Variants in VEPH1 observed in about 807,000 individuals in gnomAD.
The protein encoded by VEPH1 is ventricular zone expressed PH domain containing 1.
Under a neutral mutation model 85.2 loss-of-function variants are expected in VEPH1, and 80 were observed. The ratio of observed to expected loss-of-function variants is 0.94; its 90% confidence interval spans 0.78 to 1.13. The LOEUF is 1.13. Ranked by LOEUF, VEPH1 falls within the 50% of genes most tolerant of loss-of-function variation. VEPH1 has a pLI of 0.00. For missense variants in VEPH1, 955 were observed against 980.5 expected, an observed-to-expected ratio of 0.97 and a Z score of 0.35; for synonymous variants, 297 against 348.0, an observed-to-expected ratio of 0.85 and a Z score of 1.63.
At chr3:157,265,696 T>C (rs1236984031) in intron 12 of VEPH1, 34 bp from the exon 13 acceptor site, 1 of 1,606,744 alleles carries the variant, frequency 6.2e-7, no homozygotes, top group Middle Eastern at 1.7e-4. Flanking sequence ...ATGCCATGTA[T>C]TTTCCAATAT....
chr3:157,265,668 G>A lies in VEPH1; in HGVS notation c.2129-6C>T. ...CTGGCCATCTTGATTTACAACTGTT[G>A]AAGGTAGCAGAATAATCATGCCATG... On this transcript the variant is annotated splice_region_variant and splice_polypyrimidine_tract_variant and intron_variant, in intron 12 of 13. Coordinates refer to ENST00000362010, the MANE Select transcript of VEPH1 (RefSeq NM_001167912.2). 6.2e-7 allele frequency: 1 copy of A among 1,612,432 alleles called. No homozygotes were observed. The highest frequency in any genetic ancestry group is 1.1e-5 in the South Asian group (1 of 90,902).
In VEPH1 at chr3:157,286,645, TTCCAGATGGAGCTGTACCTGG is replaced by T; in HGVS notation, c.2019_2039del (p.Asp673_Leu679del). 6.2e-7 allele frequency: 1 copy of T among 1,614,130 alleles called. No individual in the cohort carries two copies. Among genetic ancestry groups the T allele is most frequent in the Non-Finnish European group, 8.5e-7 (1 of 1,179,962 alleles). On this transcript the variant is annotated inframe_deletion, in exon 12 of 14. Coordinates refer to ENST00000362010, the MANE Select transcript of VEPH1 (RefSeq NM_001167912.2). ...CAAACACGTCAAAGAACCTCACTTC[TTCCAGATGGAGCTGTACCTGG>T]TCCAGATCCTGTGTCAGGAACACAA... is the stretch of plus-strand genomic sequence containing the variant.
intron 11 of VEPH1, among the ~76,000 whole-genome samples, chr3:157,290,447 T>C (rs899749935): frequency 4.6e-5 from 7 of 152,140 alleles, no homozygotes; most frequent in Non-Finnish European, 7.4e-5. Context: ...AGTTGCTAGG[T>C]TTGTGCTAAT....
At chr3:157,399,876 A>G (rs1730680418) in intron 6 of VEPH1, among the ~76,000 whole-genome samples, 2 of 152,142 alleles carry the variant, frequency 1.3e-5, no homozygotes, top group African/African-American at 4.8e-5. Flanking sequence ...TTAGGTAGAT[A>G]ATTCTCCAAC....
In VEPH1 at chr3:157,437,716, AG is replaced by A. The variant is rs1733732913; in HGVS notation, c.530-9229del. ...CGCGCCGGGGGCTCCCGCAGAGGCC[AG>A]GCTGACCAGTGCTCTGGACGAGCTG... On this transcript the variant is annotated intron_variant, in intron 4 of 13. Transcript: ENST00000362010. 7 of 1,530,372 alleles carry A rather than the reference AG, an allele frequency of 4.6e-6. No individual in the cohort carries two copies. The East Asian group carries it at 1.7e-4, about 38-fold the overall frequency. 94.8% of individuals were successfully genotyped at this position (1,530,372 alleles called of 1,614,324 possible).
chr3:157,265,373 C>A (rs984760222), intron 13 of VEPH1, among the ~76,000 whole-genome samples, 153 bp downstream of exon 13: 2 of 152,102 alleles, frequency 1.3e-5, no homozygotes, highest in Non-Finnish European at 2.9e-5. Context: ...AATAAACAGA[C>A]TAGACACAGA....
intron 6 of VEPH1, among the ~76,000 whole-genome samples, chr3:157,402,840 A>G (rs538405837): frequency 6.6e-6 from 1 of 152,312 alleles, no homozygotes; most frequent in South Asian, 2.1e-4. Context: ...ACATGAATAC[A>G]CGTAGATGAC....
At chr3:157,387,177 AT>A (rs556720341) in intron 6 of VEPH1, among the ~76,000 whole-genome samples, 115 of 152,108 alleles carry the variant, frequency 7.6e-4, no homozygotes, top group African/African-American at 2.7e-3. Flanking sequence ...TGCATTGGCC[AT>A]TTTTTTCACT....
intron 4 of VEPH1, chr3:157,459,634 T>G (rs541388913): frequency 7.3e-5 from 93 of 1,281,722 alleles, no homozygotes; most frequent in Non-Finnish European, 8.7e-5. Context: ...TTGCATGAAC[T>G]AATTTGAGCT....
In VEPH1 at chr3:157,492,627, G is replaced by A. The variant is rs1340947943; in HGVS notation, c.138+2585C>T. 3.3e-5 allele frequency among the ~76,000 whole-genome samples: 5 copies of A among 152,154 alleles called. No homozygotes were observed. In the East Asian group the frequency reaches 9.6e-4, roughly 29 times the overall value. On this transcript the variant is annotated intron_variant, in intron 2 of 13. Coordinates refer to ENST00000362010, the MANE Select transcript of VEPH1 (RefSeq NM_001167912.2). ...AAACAGAGGGTAGACTCTTTTGATT[G>A]TTGGGGGCAGAGAACAGAACAGAGA...
At chr3:157,276,472 A>C (rs1466484466) in intron 12 of VEPH1, among the ~76,000 whole-genome samples, 4 of 152,224 alleles carry the variant, frequency 2.6e-5, no homozygotes, top group Non-Finnish European at 5.9e-5. Context: ...GGTGATTCTT[A>C]TGTTGCTCAA....
chr3:157,442,377 G>C (rs1467847497), intron 4 of VEPH1: 1 of 1,607,190 alleles, frequency 6.2e-7, no homozygotes. Context: ...TTGTGAAACA[G>C]CTATTTTATT....
At chr3:157,371,855 A>G (rs1577477744) in intron 7 of VEPH1, among the ~76,000 whole-genome samples, 1 of 152,140 alleles carries the variant, frequency 6.6e-6, no homozygotes, top group Non-Finnish European at 1.5e-5. Flanking sequence ...GTTCAGATGG[A>G]CCCCGAATCT....
rs115453753 is a variant in VEPH1, at chr3:157,296,493, A to C, written c.2011-9819T>G. On this transcript the variant is annotated intron_variant, in intron 11 of 13. Transcript: ENST00000362010. The stretch of plus-strand genomic sequence containing the variant: ...CCTTCTTTTGCCTGTGTTGAGACTG[A>C]CCTTGGTGGTGAAAGTCTTTCTCCT... Among the ~76,000 whole-genome samples the C allele has an allele frequency of 8.1e-3, 1,236 of 152,294 alleles. 7 individuals are homozygous for C. The highest frequency in any genetic ancestry group is 0.012 in the Non-Finnish European group (841 of 68,002).
At chr3:157,266,591 G>A (rs1048101266) in intron 12 of VEPH1, among the ~76,000 whole-genome samples, 12 of 152,176 alleles carry the variant, frequency 7.9e-5, no homozygotes, top group Admixed American at 5.9e-4. Flanking sequence ...CATCTAACAT[G>A]GTGCCTGGCA....
chr3:157,381,364 T>C lies in VEPH1; in HGVS notation c.919A>G (p.Ser307Gly). ...VGHVDEERAR[S>G]CLTYLVSQLA... is the part of the protein sequence containing the mutation. ...TGGCTCACCAGGTATGTCAGGCAGC[T>C]CCTGGCTCTCTCCTACCAAAAACAA... Residue 307 changes from serine to glycine, a missense_variant, in exon 7 of 14, where the codon AGC (serine) becomes GGC (glycine). Transcript: ENST00000362010. 1 of 1,614,124 alleles carries C rather than the reference T, an allele frequency of 6.2e-7. No homozygotes were observed. The highest frequency in any genetic ancestry group is 8.5e-7 in the Non-Finnish European group (1 of 1,179,984).
chr3:157,401,655 T>C (rs1423529830), intron 6 of VEPH1, among the ~76,000 whole-genome samples: 2 of 152,112 alleles, frequency 1.3e-5, no homozygotes, highest in Non-Finnish European at 2.9e-5. Context: ...GAAAGTTTGA[T>C]GTAGTAATAA....
chr3:157,459,860 A>C, intron 4 of VEPH1: 1 of 1,537,088 alleles, frequency 6.5e-7, no homozygotes, highest in Non-Finnish European at 8.7e-7. Context: ...CTCAGTACAC[A>C]GAGATAAGAT....
chr3:157,466,743 G>A (rs1736411082), intron 3 of VEPH1, among the ~76,000 whole-genome samples: 1 of 152,194 alleles, frequency 6.6e-6, no homozygotes, highest in Non-Finnish European at 1.5e-5. Context: ...TCCTCAGGGA[G>A]TCAAAATTTC....
Sources: allele counts gnomAD v4.1 joint callset (sites outside exome capture counted in the v4.1 genomes callset), GRCh38; gene constraint gnomAD v4.1.1; transcripts MANE v1.5; gene names NCBI Gene and HGNC (gene_info 2026-07-23, HGNC 2026-07-21).